The following LRP1B variants were observed in gnomAD, a reference collection of about 807,000 sequenced individuals.
The protein encoded by LRP1B is low-density lipoprotein receptor-related protein 1B.
LRP1B carries 217 observed loss-of-function variants against 556.6 expected under a neutral mutation model. That is an observed-to-expected ratio of 0.39 (90% CI 0.35 to 0.44). LRP1B has a LOEUF of 0.44. Among genes scored for constraint, LRP1B ranks in the 20% least tolerant of loss-of-function variants. LRP1B has a pLI of 1.00. For synonymous variants in LRP1B, 2,047 were observed against 1,865.8 expected (o/e 1.10, Z -2.50); for missense variants, 5,053 against 5,620.8 (o/e 0.90, Z 3.23).
intron 1 of LRP1B, among the ~76,000 whole-genome samples, chr2:141,823,001 T>C (rs1696805521): frequency 6.6e-6 from 1 of 152,166 alleles, no homozygotes; most frequent in Non-Finnish European, 1.5e-5. Context: ...AAGGAGAAGA[T>C]GTGCAGAGTG....
intron 77 of LRP1B, among the ~76,000 whole-genome samples, chr2:140,340,013 G>T (rs1681292566): frequency 6.6e-6 from 1 of 151,364 alleles, no homozygotes; most frequent in African/African-American, 2.4e-5. Flanking sequence ...ATAATTCTCA[G>T]TTGTTGAAAA....
At chr2:140,865,513 A>G (rs1356757821) in intron 27 of LRP1B, among the ~76,000 whole-genome samples, 1 of 151,978 alleles carries the variant, frequency 6.6e-6, no homozygotes, top group African/African-American at 2.4e-5. Flanking sequence ...ATGTTCCTGC[A>G]TCTTTTTTCC....
At chr2:141,660,035 G>A (rs1690153552) in intron 2 of LRP1B, among the ~76,000 whole-genome samples, 1 of 152,092 alleles carries the variant, frequency 6.6e-6, no homozygotes, top group Admixed American at 6.5e-5. Context: ...GCAGAGAGGG[G>A]CCAAAAGGGC....
At chr2:141,390,102 C>T (rs1689991486) in intron 3 of LRP1B, among the ~76,000 whole-genome samples, 1 of 152,128 alleles carries the variant, frequency 6.6e-6, no homozygotes, top group Non-Finnish European at 1.5e-5. Flanking sequence ...CACGCCATTG[C>T]ACTCCAGCCT....
chr2:140,904,994 T>A (rs973875816), intron 22 of LRP1B, among the ~76,000 whole-genome samples: 5 of 152,132 alleles, frequency 3.3e-5, no homozygotes, highest in Admixed American at 2.0e-4. Context: ...AAATTGAATA[T>A]ATAATGCCAA....
In LRP1B at chr2:140,732,087, C is replaced by T. The variant is rs889630489; in HGVS notation, c.5759-15271G>A. On this transcript the variant is annotated intron_variant, in intron 35 of 90. Coordinates refer to ENST00000389484, the MANE Select transcript of LRP1B (RefSeq NM_018557.3). Reference sequence around the variant, plus strand: ...ACTCAATAATGAAATTATGTGATGTCTTGGGTTTGTTTAAATTAGATGAAA... The same window carrying T: ...ACTCAATAATGAAATTATGTGATGTTTTGGGTTTGTTTAAATTAGATGAAA... 4.2e-4 allele frequency among the ~76,000 whole-genome samples: 64 copies of T among 151,690 alleles called. 1 individual carries two copies. The Middle Eastern group carries it at 0.01, about 24-fold the overall frequency.
chr2:141,477,086 G>A (rs937040210), intron 3 of LRP1B, among the ~76,000 whole-genome samples: 17 of 151,808 alleles, frequency 1.1e-4, no homozygotes, highest in African/African-American at 4.1e-4. Flanking sequence ...TAGCGCCATT[G>A]CACTCCAGCC....
chr2:141,512,078 A>T (rs1684150929), intron 2 of LRP1B, among the ~76,000 whole-genome samples: 2 of 152,220 alleles, frequency 1.3e-5, no homozygotes, highest in South Asian at 4.1e-4. Context: ...TCTTTACTAC[A>T]GAAGAGTACA....
intron 23 of LRP1B, among the ~76,000 whole-genome samples, chr2:140,895,083 G>A (rs1366516209): frequency 6.6e-6 from 1 of 152,094 alleles, no homozygotes; most frequent in South Asian, 2.1e-4. Flanking sequence ...ACTTTGGGTA[G>A]TGGACACAGT....
At chr2:141,776,198 C>T (rs16847142) in intron 2 of LRP1B, among the ~76,000 whole-genome samples, 32,103 of 149,168 alleles carry the variant, frequency 0.22, 3,708 homozygotes, top group African/African-American at 0.32. Context: ...CGTCTTGATT[C>T]CAAAATTTTT....
At chr2:141,200,550 G>A (rs1179226372) in intron 6 of LRP1B, among the ~76,000 whole-genome samples, 7 of 152,046 alleles carry the variant, frequency 4.6e-5, no homozygotes, top group Non-Finnish European at 1.0e-4. Flanking sequence ...CTGCTCAAAT[G>A]TCAGTTTTTC....
chr2:142,066,685 C>T (rs1705122045), intron 1 of LRP1B, among the ~76,000 whole-genome samples: 1 of 151,508 alleles, frequency 6.6e-6, no homozygotes, highest in African/African-American at 2.4e-5. Flanking sequence ...TACTAATAGT[C>T]TGTTCAGCAC....
At chr2:140,481,794 C>G (rs1401993145) in intron 59 of LRP1B, among the ~76,000 whole-genome samples, 1 of 151,922 alleles carries the variant, frequency 6.6e-6, no homozygotes, top group East Asian at 1.9e-4. Context: ...CTGACTTGTT[C>G]CTAGCTTTCC....
intron 3 of LRP1B, among the ~76,000 whole-genome samples, chr2:141,272,782 T>C (rs942836283): frequency 2.0e-5 from 3 of 151,990 alleles, no homozygotes; most frequent in East Asian, 1.9e-4. Context: ...ATTATAAACA[T>C]AAAAGCACCA....
At chr2:141,637,427 G>T (rs1689142027) in intron 2 of LRP1B, among the ~76,000 whole-genome samples, 1 of 152,170 alleles carries the variant, frequency 6.6e-6, no homozygotes, top group Non-Finnish European at 1.5e-5. Context: ...GATGAAAAAG[G>T]CTGAAGACAT....
rs1682399975 is a variant in LRP1B at position 140,270,335 on chromosome 2, C to T, written c.13154G>A (p.Gly4385Glu). The T allele has an allele frequency of 1.2e-6, 2 of 1,607,954 alleles. No homozygotes were observed. Among genetic ancestry groups the T allele is most frequent in the Non-Finnish European group, 1.7e-6 (2 of 1,175,188 alleles). Residue 4385 changes from glycine to glutamate, a missense_variant, in exon 86 of 91, where the codon GGA becomes GAA. Around this residue, in one of 5 missense-constraint regions of LRP1B, gnomAD observed 551 missense variants for 592.0 expected, o/e 0.93. Coordinates refer to ENST00000389484, the MANE Select transcript of LRP1B (RefSeq NM_018557.3). ...TAACTGACAGCTAGAGGCAATCTTT[C>T]CATTAGTGCAGCTGCAACAACAAAG... ...SEDIFCNCTNGKIASSCQLCD... is the reference protein window; with the variant it reads ...SEDIFCNCTNEKIASSCQLCD...
At chr2:141,496,278 A>G (rs1683504543) in intron 2 of LRP1B, among the ~76,000 whole-genome samples, 1 of 150,714 alleles carries the variant, frequency 6.6e-6, no homozygotes, top group South Asian at 2.1e-4. Context: ...ATGCACTCTA[A>G]AAAAAAAATG....
intron 3 of LRP1B, among the ~76,000 whole-genome samples, chr2:141,361,050 G>A (rs72846081): frequency 0.038 from 5,786 of 152,118 alleles, 171 homozygotes; most frequent in Middle Eastern, 0.072. Flanking sequence ...AATGAAACTA[G>A]TTTCATTAGG....
At chr2:141,957,063 T>C (rs72852545) in intron 1 of LRP1B, among the ~76,000 whole-genome samples, 1 of 152,198 alleles carries the variant, frequency 6.6e-6, no homozygotes, top group African/African-American at 2.4e-5. Flanking sequence ...GAATCTAGAC[T>C]TAATACTCCT....
Sources: gnomAD v4.1 joint callset for allele counts (sites outside exome capture counted in the v4.1 genomes callset) on GRCh38, gnomAD v4.1.1 for gene constraint, gnomAD v4.1.1 regional missense constraint, MANE v1.5 for transcripts, NCBI Gene and HGNC (gene_info 2026-07-23, HGNC 2026-07-21) for gene names.